The following OXCT1 variants were observed in gnomAD, a reference collection of about 807,000 sequenced individuals.
OXCT1 encodes the protein succinyl-CoA:3-ketoacid coenzyme A transferase 1, mitochondrial.
A neutral mutation model predicts 69.6 loss-of-function variants in OXCT1; 27 were observed. The observed-to-expected ratio is 0.39, with a 90% CI of 0.29 to 0.54. OXCT1 has a LOEUF of 0.54. Ranked by LOEUF, OXCT1 falls within the 20% of genes least tolerant of loss-of-function variation. The pLI, the probability that OXCT1 is intolerant of heterozygous loss-of-function variation, is 0.72. For synonymous variants in OXCT1, 202 were observed against 217.8 expected, an observed-to-expected ratio of 0.93 and a Z score of 0.64; for missense variants, 437 against 650.2, an observed-to-expected ratio of 0.67 and a Z score of 3.57.
At chr5:41,851,905 G>C (rs1749192035) in intron 4 of OXCT1, among the ~76,000 whole-genome samples, 1 of 152,100 alleles carries the variant, frequency 6.6e-6, no homozygotes, top group African/African-American at 2.4e-5. Flanking sequence ...TTCATATGTT[G>C]AATTCCTAGT....
intron 3 of OXCT1, among the ~76,000 whole-genome samples, chr5:41,859,600 A>C (rs192186556): frequency 8.5e-5 from 13 of 152,160 alleles, no homozygotes; most frequent in African/African-American, 2.9e-4. Context: ...TGAGCACAGA[A>C]GTTCAAGTAT....
At chr5:41,792,979 A>G (rs913361651) in intron 13 of OXCT1, among the ~76,000 whole-genome samples, 5 of 152,190 alleles carry the variant, frequency 3.3e-5, no homozygotes, top group Admixed American at 6.5e-5. Context: ...ATACACCACC[A>G]AGTTTGAAAA....
intron 15 of OXCT1, among the ~76,000 whole-genome samples, chr5:41,748,388 G>C (rs1743610963): frequency 6.6e-6 from 1 of 152,012 alleles, no homozygotes; most frequent in Admixed American, 6.6e-5. Flanking sequence ...ATTATCTTTA[G>C]AAGGACTACC....
intron 13 of OXCT1, among the ~76,000 whole-genome samples, chr5:41,767,722 GTATATATATATATATA>G (rs367584226): frequency 7.8e-5 from 7 of 89,972 alleles, no homozygotes; most frequent in African/African-American, 1.1e-4. Flanking sequence ...ATATGTGTGT[GTATATATATATATATA>G]TATATATATA....
chr5:41,849,360 C>A (rs1230442828), intron 5 of OXCT1, among the ~76,000 whole-genome samples: 1 of 152,142 alleles, frequency 6.6e-6, no homozygotes, highest in African/African-American at 2.4e-5. Context: ...TGGAAAGATA[C>A]TAAAAAATAC....
chr5:41,853,720 C>T (rs952687925), intron 3 of OXCT1, 166 bp from the exon 4 acceptor site: 11 of 759,018 alleles, frequency 1.4e-5, no homozygotes, highest in Non-Finnish European at 2.3e-5. Flanking sequence ...TGCAAGGTAG[C>T]TATCCTTTTA....
chr5:41,818,096 C>T (rs1747336178), intron 7 of OXCT1, among the ~76,000 whole-genome samples: 1 of 152,162 alleles, frequency 6.6e-6, no homozygotes, highest in Non-Finnish European at 1.5e-5. Context: ...ATTTAATGAG[C>T]AGCTATTATG....
At position 41,781,725 on chromosome 5, in the gene OXCT1, G is replaced by A. The variant is rs1039057061; in HGVS notation, c.1248+12278C>T. Among the ~76,000 whole-genome samples, 8 of 152,192 alleles carry A rather than the reference G, an allele frequency of 5.3e-5. No homozygotes were observed. In the East Asian group the frequency reaches 1.2e-3, roughly 22 times the overall value. The stretch of plus-strand genomic sequence containing the variant: ...GCAGTGTTTGGTTTTCTGTTCCTGC[G>A]TTAGTTTGCTGAGGATAATGGCTTC... On this transcript the variant is annotated intron_variant, in intron 13 of 16. Transcript: ENST00000196371.
intron 2 of OXCT1, among the ~76,000 whole-genome samples, chr5:41,861,732 C>T (rs1002536539): frequency 6.6e-6 from 1 of 152,126 alleles, no homozygotes; most frequent in Non-Finnish European, 1.5e-5. Flanking sequence ...TTTTCTACAA[C>T]TTTTTCAAGA....
At chr5:41,779,267 T>C (rs755696620) in intron 13 of OXCT1, among the ~76,000 whole-genome samples, 11 of 152,216 alleles carry the variant, frequency 7.2e-5, no homozygotes, top group African/African-American at 9.7e-5. Flanking sequence ...TAGGGATTTA[T>C]TGAATCCAAG....
intron 13 of OXCT1, among the ~76,000 whole-genome samples, chr5:41,772,455 T>A (rs889335619): frequency 6.6e-6 from 1 of 151,544 alleles, no homozygotes; most frequent in African/African-American, 2.4e-5. Context: ...GATCAGAAAG[T>A]AACACAGAAG....
At chr5:41,842,586 G>A (rs910471441) in intron 6 of OXCT1, 89 bp downstream of exon 6, 137 of 948,334 alleles carry the variant, frequency 1.4e-4, no homozygotes, top group Non-Finnish European at 2.0e-4. Flanking sequence ...GGGCCATTAC[G>A]AAAATACATT....
At chr5:41,797,027 G>C (rs912256568) in intron 11 of OXCT1, among the ~76,000 whole-genome samples, 3 of 152,174 alleles carry the variant, frequency 2.0e-5, no homozygotes, top group African/African-American at 7.2e-5. Context: ...CCTTATTCTA[G>C]ACACAATGTC....
intron 1 of OXCT1, among the ~76,000 whole-genome samples, chr5:41,864,722 C>T (rs528644052): frequency 6.6e-6 from 1 of 152,206 alleles, no homozygotes; most frequent in Admixed American, 6.5e-5. Context: ...TTTATTTGGC[C>T]TTCTACCTCA....
intron 7 of OXCT1, among the ~76,000 whole-genome samples, chr5:41,818,798 C>T (rs545311424): frequency 6.6e-6 from 1 of 152,020 alleles, no homozygotes; most frequent in Admixed American, 6.5e-5. Flanking sequence ...CAAAAGGGGT[C>T]AATGAATCAT....
rs774555590 is a variant in OXCT1 at position 41,850,011 on chromosome 5, G to A, written c.564+19C>T. 19 of 1,612,804 alleles carry A rather than the reference G, an allele frequency of 1.2e-5. No individual in the cohort carries two copies. Among genetic ancestry groups the A allele is most frequent in the Middle Eastern group, 1.6e-4 (1 of 6,078 alleles). On this transcript the variant is annotated intron_variant, in intron 5 of 16. Coordinates refer to ENST00000196371, the MANE Select transcript of OXCT1 (RefSeq NM_000436.4). ...GGAAAGAGGGATCCTGGTATAATCTGGTTAAGAGTGTTTCTTACCTCTCTT... is the reference window on the plus strand; with the variant it reads ...GGAAAGAGGGATCCTGGTATAATCTAGTTAAGAGTGTTTCTTACCTCTCTT...
intron 13 of OXCT1, among the ~76,000 whole-genome samples, chr5:41,768,355 C>A (rs1264430792): frequency 6.6e-6 from 1 of 152,174 alleles, no homozygotes; most frequent in Non-Finnish European, 1.5e-5. Context: ...GAAGGAATCT[C>A]AATCCCTGAA....
At chr5:41,753,860 A>T (rs1021643931) in intron 14 of OXCT1, among the ~76,000 whole-genome samples, 3 of 152,118 alleles carry the variant, frequency 2.0e-5, no homozygotes, top group Non-Finnish European at 4.4e-5. Flanking sequence ...TCTATGGACC[A>T]CTAGGGGCTG....
intron 13 of OXCT1, among the ~76,000 whole-genome samples, chr5:41,765,453 T>TA (rs1744552241): frequency 6.6e-6 from 1 of 152,018 alleles, no homozygotes; most frequent in Non-Finnish European, 1.5e-5. Context: ...TCAAAATGAG[T>TA]AAAAAAATAA....
Sources: gnomAD v4.1 joint callset for allele counts (sites outside exome capture counted in the v4.1 genomes callset) on GRCh38, gnomAD v4.1.1 for gene constraint, MANE v1.5 for transcripts, NCBI Gene and HGNC (gene_info 2026-07-23, HGNC 2026-07-21) for gene names.